Variants in APBB2 observed in about 807,000 individuals in gnomAD.
The protein encoded by APBB2 is Fe65-like 1.
A neutral mutation model predicts 82.5 loss-of-function variants in APBB2; 38 were observed. The observed-to-expected ratio is 0.46, with a 90% CI of 0.36 to 0.60. APBB2 has a LOEUF of 0.60. Among genes scored for constraint, APBB2 ranks in the 20% least tolerant of loss-of-function variants. APBB2 has a pLI of 0.00. For synonymous variants in APBB2, 341 were observed against 368.2 expected (o/e 0.93, Z 0.85); for missense variants, 772 against 972.3 (o/e 0.79, Z 2.74).
chr4:41,110,722 T>C (rs78795023), intron 2 of APBB2, among the ~76,000 whole-genome samples: 1,979 of 152,122 alleles, frequency 0.013, 37 homozygotes, highest in African/African-American at 0.046. Flanking sequence ...TTGCATCCCC[T>C]CTACTTTGTG....
intron 13 of APBB2, among the ~76,000 whole-genome samples, chr4:40,827,859 G>A (rs562544386): frequency 3.3e-5 from 5 of 152,238 alleles, no homozygotes; most frequent in East Asian, 3.9e-4. Context: ...AAATCTCGTC[G>A]TGAATTGTAG....
intron 6 of APBB2, among the ~76,000 whole-genome samples, chr4:40,974,870 C>T (rs1796773374): frequency 1.3e-5 from 2 of 152,206 alleles, no homozygotes; most frequent in South Asian, 2.1e-4. Flanking sequence ...TGCATTGATG[C>T]TCATTGATCA....
At chr4:41,171,667 C>T (rs977923158) in intron 1 of APBB2, among the ~76,000 whole-genome samples, 1 of 152,192 alleles carries the variant, frequency 6.6e-6, no homozygotes, top group African/African-American at 2.4e-5. Context: ...TCTTAAAACC[C>T]TTTAATAGGG....
At chr4:41,142,237 T>C (rs1759447294) in intron 2 of APBB2, among the ~76,000 whole-genome samples, 1 of 152,178 alleles carries the variant, frequency 6.6e-6, no homozygotes, top group Non-Finnish European at 1.5e-5. Context: ...ACAGAAATGG[T>C]CTGCAATGTC....
At chr4:41,033,107 G>A in intron 5 of APBB2, 129 bp downstream of exon 5, 1 of 745,640 alleles carries the variant, frequency 1.3e-6, no homozygotes, top group Non-Finnish European at 2.3e-6. Context: ...TATTACATTA[G>A]TGAAGAACAA....
chr4:40,966,187 G>A (rs1406689681), intron 6 of APBB2, among the ~76,000 whole-genome samples: 2 of 152,200 alleles, frequency 1.3e-5, no homozygotes, highest in Non-Finnish European at 2.9e-5. Flanking sequence ...TATATATTCA[G>A]TAATTCCTCC....
At chr4:40,989,958 C>G (rs1449921914) in intron 6 of APBB2, among the ~76,000 whole-genome samples, 2 of 152,202 alleles carry the variant, frequency 1.3e-5, no homozygotes, top group Non-Finnish European at 2.9e-5. Context: ...CTAAAGAGTA[C>G]ATATAAAACG....
At chr4:41,105,755 G>A (rs1043986409) in intron 2 of APBB2, among the ~76,000 whole-genome samples, 4 of 151,976 alleles carry the variant, frequency 2.6e-5, no homozygotes, top group Non-Finnish European at 4.4e-5. Context: ...GTGTGGTAGC[G>A]GGCGCCTGTA....
chr4:40,990,378 G>A (rs551130027), intron 6 of APBB2: 89 of 151,804 alleles, frequency 5.9e-4, no homozygotes, highest in Non-Finnish European at 1.1e-3. Flanking sequence ...TATTCCAGTT[G>A]TATCCGGTGT....
chr4:41,148,370 C>A (rs1217377644), intron 1 of APBB2, among the ~76,000 whole-genome samples: 2 of 152,212 alleles, frequency 1.3e-5, no homozygotes, highest in Non-Finnish European at 2.9e-5. Flanking sequence ...CTAACAGCCT[C>A]TTTAACCTCT....
chr4:41,105,558 C>G (rs953999853), intron 2 of APBB2, among the ~76,000 whole-genome samples: 2 of 152,140 alleles, frequency 1.3e-5, no homozygotes, highest in African/African-American at 4.8e-5. Flanking sequence ...CAAGTTGCTG[C>G]CTAAAATGCT....
intron 12 of APBB2, among the ~76,000 whole-genome samples, chr4:40,856,480 A>G (rs1240366279): frequency 1.3e-5 from 2 of 152,262 alleles, no homozygotes; most frequent in Non-Finnish European, 2.9e-5. Context: ...AAGTCACACC[A>G]ATATCCTAAA....
intron 1 of APBB2, among the ~76,000 whole-genome samples, chr4:41,154,958 C>T (rs920189204): frequency 2.0e-5 from 3 of 152,148 alleles, no homozygotes; most frequent in East Asian, 1.9e-4. Context: ...CCTGGAGTTA[C>T]GCAGCTGACT....
intron 6 of APBB2, among the ~76,000 whole-genome samples, chr4:40,992,270 T>C (rs1802326408): frequency 6.6e-6 from 1 of 150,912 alleles, no homozygotes; most frequent in African/African-American, 2.4e-5. Context: ...CCAAGTGACA[T>C]CCTCTGCCTC....
intron 3 of APBB2, among the ~76,000 whole-genome samples, chr4:41,075,851 G>T (rs1291141435): frequency 6.6e-6 from 1 of 152,192 alleles, no homozygotes; most frequent in African/African-American, 2.4e-5. Context: ...TTGACAGTGA[G>T]AGTAATAATC....
Position 41,127,791 on chromosome 4 carries a change from G to A in APBB2, c.-261+15196C>T, listed in dbSNP as rs1754799630. On this transcript the variant is annotated intron_variant, in intron 2 of 17. Transcript: ENST00000508593. The surrounding 1 kb of genome is among the most constrained non-coding windows in gnomAD (Gnocchi z 4.8). ...AGGTCAGGAGTTCGAGACCAGCCTGGCCAAAAGGCCAGGGGCGATGGCTCA... is the reference window on the plus strand; with the variant it reads ...AGGTCAGGAGTTCGAGACCAGCCTGACCAAAAGGCCAGGGGCGATGGCTCA... Among the ~76,000 whole-genome samples the A allele has an allele frequency of 6.6e-6, 1 of 152,176 alleles. No homozygotes were observed. Among genetic ancestry groups the A allele is most frequent in the African/African-American group, 2.4e-5 (1 of 41,460 alleles).
chr4:40,872,805 G>A (rs963900300), intron 12 of APBB2, among the ~76,000 whole-genome samples: 5 of 151,768 alleles, frequency 3.3e-5, no homozygotes, highest in Non-Finnish European at 5.9e-5. Flanking sequence ...AAAAGATGGC[G>A]CCGGGTGCAG....
chr4:40,876,693 G>A (rs7675492), intron 12 of APBB2, among the ~76,000 whole-genome samples: 41,981 of 152,080 alleles, frequency 0.28, 7,127 homozygotes, highest in African/African-American at 0.48. Context: ...AAACTATGTA[G>A]ATAATTGTTA....
At chr4:41,184,644 G>C (rs1772373879) in intron 1 of APBB2, among the ~76,000 whole-genome samples, 1 of 152,208 alleles carries the variant, frequency 6.6e-6, no homozygotes, top group South Asian at 2.1e-4. Context: ...TATTGTGGCA[G>C]ACTGGGAGAT....
Sources: gnomAD v4.1 joint callset for allele counts (sites outside exome capture counted in the v4.1 genomes callset) on GRCh38, gnomAD v4.1.1 for gene constraint, Gnocchi (gnomAD v3.1) non-coding constraint, MANE v1.5 for transcripts, NCBI Gene and HGNC (gene_info 2026-07-23, HGNC 2026-07-21) for gene names.